The following MEOX2 variants were observed in gnomAD, a reference collection of about 807,000 sequenced individuals.
MEOX2 encodes the protein mesenchyme homeobox 2.
MEOX2 carries 11 observed loss-of-function variants against 27.0 expected under a neutral mutation model. That is an observed-to-expected ratio of 0.41 (90% CI 0.26 to 0.68). The LOEUF (loss-of-function observed/expected upper bound fraction) is 0.68. MEOX2 is among the 30% of genes least tolerant of loss of function. The pLI, the probability that MEOX2 is intolerant of heterozygous loss-of-function variation, is 0.33. For missense variants in MEOX2, 436 were observed against 385.4 expected (o/e 1.13, Z -1.10); for synonymous variants, 189 against 155.4 (o/e 1.22, Z -1.61).
At chr7:15,663,335 C>G (rs1781945650) in intron 1 of MEOX2, among the ~76,000 whole-genome samples, 1 of 143,048 alleles carries the variant, frequency 7.0e-6, no homozygotes, top group Admixed American at 7.0e-5. Flanking sequence ...CTGTAGTAAT[C>G]TTTTTTTTTT....
chr7:15,627,077 G>C (rs1309828178), intron 1 of MEOX2, among the ~76,000 whole-genome samples, 159 bp from the exon 2 acceptor site: 1 of 151,804 alleles, frequency 6.6e-6, no homozygotes, highest in African/African-American at 2.4e-5. Flanking sequence ...CTCAACGGGG[G>C]GAGATATAAT....
intron 1 of MEOX2, among the ~76,000 whole-genome samples, chr7:15,630,100 T>C (rs1781378749): frequency 6.6e-6 from 1 of 152,052 alleles, no homozygotes; most frequent in African/African-American, 2.4e-5. Context: ...ATTGTTGTTT[T>C]TCGTCTCAGA....
At chr7:15,639,558 A>C (rs1294330971) in intron 1 of MEOX2, among the ~76,000 whole-genome samples, 1 of 151,472 alleles carries the variant, frequency 6.6e-6, no homozygotes, top group Non-Finnish European at 1.5e-5. Context: ...TTTCTAAAAA[A>C]GTTCTTCCTA....
At chr7:15,650,268 A>G (rs548434906) in intron 1 of MEOX2, among the ~76,000 whole-genome samples, 3 of 152,152 alleles carry the variant, frequency 2.0e-5, no homozygotes, top group African/African-American at 7.2e-5. Context: ...AAAGAGTTCT[A>G]CTGCTTTCCA....
At chr7:15,631,906 ATGTGTGTG>A (rs146116757) in intron 1 of MEOX2, among the ~76,000 whole-genome samples, 1 of 129,350 alleles carries the variant, frequency 7.7e-6, no homozygotes, top group African/African-American at 3.1e-5. Context: ...CCAAGGTTAA[ATGTGTGTG>A]TGTGTGTGTG....
At chr7:15,658,526 G>A (rs1426807898) in intron 1 of MEOX2, among the ~76,000 whole-genome samples, 2 of 152,120 alleles carry the variant, frequency 1.3e-5, no homozygotes, top group African/African-American at 4.8e-5. Context: ...TGGTATTAAT[G>A]AGGCAAAAAA....
chr7:15,671,887 T>A (rs1449334225), intron 1 of MEOX2, among the ~76,000 whole-genome samples: 1 of 152,054 alleles, frequency 6.6e-6, no homozygotes, highest in Non-Finnish European at 1.5e-5. Context: ...TCTCTAATAA[T>A]TGTACATCTC....
At chr7:15,634,913 T>C (rs969902397) in intron 1 of MEOX2, among the ~76,000 whole-genome samples, 7 of 152,072 alleles carry the variant, frequency 4.6e-5, no homozygotes, top group East Asian at 1.9e-4. Flanking sequence ...GGCATCACCA[T>C]AGAAATTACC....
intron 1 of MEOX2, among the ~76,000 whole-genome samples, chr7:15,639,081 TTTACATTC>T (rs1219314895): frequency 6.6e-6 from 1 of 152,122 alleles, no homozygotes; most frequent in African/African-American, 2.4e-5. Context: ...TATAAGCTAA[TTTACATTC>T]CCACCAACGG....
At chr7:15,685,245 C>A (rs1378643022) in intron 1 of MEOX2, among the ~76,000 whole-genome samples, 1 of 152,088 alleles carries the variant, frequency 6.6e-6, no homozygotes, top group Admixed American at 6.5e-5. Flanking sequence ...AATTCTCTGA[C>A]ACATTCCTTA....
At chr7:15,672,412 CAT>C (rs1782114156) in intron 1 of MEOX2, among the ~76,000 whole-genome samples, 1 of 152,180 alleles carries the variant, frequency 6.6e-6, no homozygotes. Context: ...GGCATTCTCA[CAT>C]GTTAGAAAAT....
chr7:15,631,231 C>CAAA (rs372742398), intron 1 of MEOX2, among the ~76,000 whole-genome samples: 1 of 141,682 alleles, frequency 7.1e-6, no homozygotes, highest in Non-Finnish European at 1.6e-5. Flanking sequence ...CTTCAAAATG[C>CAAA]AAAAAAAAAA....
Position 15,626,775 on chromosome 7 carries a change from C to A in MEOX2, c.661G>T (p.Ala221Ser). The A allele has an allele frequency of 6.2e-7, 1 of 1,609,286 alleles. No homozygotes were observed. The highest frequency in any genetic ancestry group is 1.1e-5 in the South Asian group (1 of 90,728). Residue 221 changes from alanine (A) to serine (S), a missense_variant, in exon 2 of 3, where the codon GCA becomes TCA. Transcript: ENST00000262041. ...CTTTCAGTGAGATCCAGATTCACTG[C>A]TATCTCGTATCGCCTCAGTCTGGTG... ...YLTRLRRYEI[A>S]VNLDLTERQV...
chr7:15,655,980 A>T (rs1053968462), intron 1 of MEOX2, among the ~76,000 whole-genome samples: 2 of 151,706 alleles, frequency 1.3e-5, no homozygotes, highest in Non-Finnish European at 3.0e-5. Flanking sequence ...GGGCTTATCA[A>T]TTTCTCCTAT....
chr7:15,624,150 A>C (rs552515527), intron 2 of MEOX2, among the ~76,000 whole-genome samples: 33 of 152,228 alleles, frequency 2.2e-4, no homozygotes, highest in Admixed American at 4.6e-4. Flanking sequence ...TTGGATTTTT[A>C]TTCAGATTTT....
intron 1 of MEOX2, among the ~76,000 whole-genome samples, chr7:15,628,683 T>G (rs142578907): frequency 1.3e-3 from 193 of 152,238 alleles, no homozygotes; most frequent in Non-Finnish European, 2.0e-3. Context: ...AGGTAGGCCA[T>G]GTTTACATGG....
At chr7:15,626,967 C>T (rs1182987667) in intron 1 of MEOX2, 49 bp from the exon 2 acceptor site, 4 of 1,536,324 alleles carry the variant, frequency 2.6e-6, no homozygotes, top group Non-Finnish European at 3.6e-6. Context: ...TATTCAAACA[C>T]ATGCAATCAT....
At chr7:15,631,467 C>T (rs377018842) in intron 1 of MEOX2, among the ~76,000 whole-genome samples, 1 of 151,626 alleles carries the variant, frequency 6.6e-6, no homozygotes. Context: ...TAGAGGATAT[C>T]CTATTTATTC....
chr7:15,612,395 G>C lies in MEOX2; in HGVS notation c.907C>G (p.His303Asp). 6.2e-7 allele frequency: 1 copy of C among 1,613,386 alleles called. No homozygotes were observed. Residue 303 changes from histidine (H) to aspartate (D), a missense_variant, in exon 3 of 3, where the codon CAC becomes GAC. His to Asp is a moderately conservative substitution (Grantham distance 81). Transcript: ENST00000262041. ...CTGGTCCTCTGTTTATATCATAAGTGCGCATGCTCTGAGCTGTGGTCACTG... is the reference window on the plus strand; with the variant it reads ...CTGGTCCTCTGTTTATATCATAAGTCCGCATGCTCTGAGCTGTGGTCACTG... ...HDSDHSSEHA[H>D]L
Sources: gnomAD v4.1 joint callset for allele counts (sites outside exome capture counted in the v4.1 genomes callset) on GRCh38, gnomAD v4.1.1 for gene constraint, MANE v1.5 for transcripts, NCBI Gene and HGNC (gene_info 2026-07-23, HGNC 2026-07-21) for gene names.